The following SYT12 variants were observed in gnomAD, a reference collection of about 807,000 sequenced individuals.
SYT12 encodes synaptotagmin 12.
Under a neutral mutation model 39.5 loss-of-function variants are expected in SYT12, and 27 were observed. The observed-to-expected ratio is 0.68, with a 90% CI of 0.50 to 0.94. The LOEUF is 0.94. Ranked by LOEUF, SYT12 falls within the 40% of genes least tolerant of loss-of-function variation. The pLI is 0.00. For missense variants in SYT12, 536 were observed against 572.6 expected (o/e 0.94, Z 0.65); for synonymous variants, 233 against 239.7 (o/e 0.97, Z 0.26).
At chr11:67,015,363 C>T (rs771738069) in intron 3 of SYT12, among the ~76,000 whole-genome samples, 10 of 152,210 alleles carry the variant, frequency 6.6e-5, no homozygotes, top group Non-Finnish European at 1.3e-4. Context: ...CAATGCAGGC[C>T]CAGCTCCTCA....
chr11:67,045,106 A>C (rs1565343632), intron 6 of SYT12, among the ~76,000 whole-genome samples: 1 of 152,098 alleles, frequency 6.6e-6, no homozygotes, highest in East Asian at 1.9e-4. Context: ...CCCAGACTCC[A>C]AAAAGGGACC....
chr11:67,024,390 C>T (rs1950153429), intron 1 of SYT12, among the ~76,000 whole-genome samples: 1 of 152,238 alleles, frequency 6.6e-6, no homozygotes, highest in African/African-American at 2.4e-5. Flanking sequence ...CCCAAGCCCC[C>T]AGCCTCCCTA....
At chr11:67,018,217 C>T (rs1005539918), upstream of SYT12, among the ~76,000 whole-genome samples, 12 of 151,494 alleles carry the variant, frequency 7.9e-5, no homozygotes, top group Admixed American at 7.9e-4. Flanking sequence ...GAGCTGAGAT[C>T]GTGCCACTGC....
rs202228241 is a variant in SYT12 at position 67,044,646 on chromosome 11, C to T, written c.891C>T (p.Ala297=). 14 of 1,613,438 alleles carry T rather than the reference C, an allele frequency of 8.7e-6. No individual in the cohort carries two copies. The highest frequency in any genetic ancestry group is 1.6e-4 in the Middle Eastern group (1 of 6,084). ...ILLSLSYLPT[A]ERLTVVVVKA... is the part of the protein sequence containing the mutation. ...TCTCCCTCAGCTACCTCCCCACAGCCGAGCGCCTCACCGTGGTCGTGGTTA... is the reference window on the plus strand; with the variant it reads ...TCTCCCTCAGCTACCTCCCCACAGCTGAGCGCCTCACCGTGGTCGTGGTTA... The change falls in exon 6 of 8, where the codon GCC becomes GCT. Residue 297 remains alanine, a synonymous_variant. Transcript: ENST00000527043.
intron 3 of SYT12, among the ~76,000 whole-genome samples, chr11:67,012,326 G>T (rs1950019604): frequency 6.6e-6 from 1 of 152,032 alleles, no homozygotes; most frequent in Non-Finnish European, 1.5e-5. Flanking sequence ...AGCTGAGATT[G>T]CACCACTGCA....
chr11:67,029,176 G>C (rs1337839936), intron 1 of SYT12: 1 of 152,236 alleles, frequency 6.6e-6, no homozygotes, highest in Non-Finnish European at 1.5e-5. Flanking sequence ...GGTTGTACGA[G>C]CTCCCAGACC....
upstream of SYT12, among the ~76,000 whole-genome samples, chr11:67,020,838 C>G (rs1254897208): frequency 6.6e-6 from 1 of 152,186 alleles, no homozygotes; most frequent in Non-Finnish European, 1.5e-5. Context: ...AAGCGATTCT[C>G]CTGCCTCAGC....
At chr11:67,045,376 C>T (rs978408243) in intron 6 of SYT12, among the ~76,000 whole-genome samples, 6 of 152,136 alleles carry the variant, frequency 3.9e-5, no homozygotes, top group Admixed American at 3.9e-4. Flanking sequence ...ATTTCAGAGC[C>T]GCACACGGTT....
chr11:67,019,759 G>T (rs371922810), upstream of SYT12, among the ~76,000 whole-genome samples: 1 of 151,840 alleles, frequency 6.6e-6, no homozygotes, highest in African/African-American at 2.4e-5. Context: ...TTAGCCATGC[G>T]TGGTGGCGTG....
Position 67,045,883 on chromosome 11 carries a change from G to C in SYT12, c.1092+6G>C, listed in dbSNP as rs1854531633. ...TGCCAGCCATTGTGCTCCAGGTGAG[G>C]GGGGCTGGGGGATGGGAAGGGGCCA... On this transcript the variant is annotated splice_donor_region_variant and intron_variant, in intron 7 of 7. Transcript: ENST00000527043. 1 of 1,612,938 alleles carries C rather than the reference G, an allele frequency of 6.2e-7. No individual in the cohort carries two copies. The highest frequency in any genetic ancestry group is 8.5e-7 in the Non-Finnish European group (1 of 1,179,518).
rs1230169787 is a variant in SYT12, at chr11:67,012,587, CCTT to C, written c.-69+1597_-69+1599del. On this transcript the variant is annotated intron_variant, in intron 3 of 10. Coordinates refer to the SYT12 transcript ENST00000393946. The stretch of plus-strand genomic sequence containing the variant: ...CATTCATTGGCCCTCAGACCAGCAT[CCTT>C]CTTAAAATGTAAGTGCTTATAAATA... Among the ~76,000 whole-genome samples, 13 of 152,218 alleles carry C rather than the reference CCTT, an allele frequency of 8.5e-5. No homozygotes were observed. In the East Asian group the frequency reaches 1.7e-3, roughly 20 times the overall value.
chr11:67,027,840 G>A (rs1290963819), intron 1 of SYT12: 2 of 152,284 alleles, frequency 1.3e-5, no homozygotes, highest in African/African-American at 4.8e-5. Flanking sequence ...TGCCAGGTAA[G>A]CAGGAAAAAG....
chr11:67,035,839 T>G, intron 3 of SYT12, among the ~76,000 whole-genome samples: 1 of 101,544 alleles, frequency 9.8e-6, no homozygotes, highest in African/African-American at 5.2e-5. Context: ...CCTTCCTTCC[T>G]TTCTTTCTTT....
intron 3 of SYT12, among the ~76,000 whole-genome samples, chr11:67,014,049 G>C (rs183223678): frequency 6.6e-6 from 1 of 152,178 alleles, no homozygotes; most frequent in Non-Finnish European, 1.5e-5. Context: ...CTTCATGGCT[G>C]AGATGTCCCT....
intron 3 of SYT12, among the ~76,000 whole-genome samples, chr11:67,036,687 G>A (rs996712987): frequency 6.6e-6 from 1 of 152,156 alleles, no homozygotes; most frequent in Non-Finnish European, 1.5e-5. Context: ...CGTAATCCCA[G>A]CACTTTGGGA....
chr11:67,030,140 A>G lies in SYT12; in HGVS notation c.-5A>G, dbSNP rs369097808. Reference sequence around the variant, plus strand: ...CTTCCAGTCACAGTCACTGCAGCAGACATCATGGCTGTGGATGTGGCAGAA... The same window carrying G: ...CTTCCAGTCACAGTCACTGCAGCAGGCATCATGGCTGTGGATGTGGCAGAA... On this transcript the variant is annotated 5_prime_UTR_variant, in exon 2 of 8. Transcript: ENST00000527043. 2.5e-6 allele frequency: 4 copies of G among 1,613,974 alleles called. No individual in the cohort carries two copies. The highest frequency in any genetic ancestry group is 3.3e-4 in the Middle Eastern group (2 of 6,060).
intron 3 of SYT12, among the ~76,000 whole-genome samples, chr11:67,013,503 C>T (rs1301725448): frequency 1.3e-5 from 2 of 152,216 alleles, no homozygotes; most frequent in African/African-American, 4.8e-5. Context: ...TCCTCTTTGT[C>T]CCAGCCCCAA....
chr11:67,035,200 G>A (rs909257299), intron 3 of SYT12, among the ~76,000 whole-genome samples: 1 of 151,524 alleles, frequency 6.6e-6, no homozygotes, highest in Non-Finnish European at 1.5e-5. Context: ...GTAGATACGG[G>A]GTTTCACCAT....
At chr11:67,024,152 G>A (rs1381310948) in intron 1 of SYT12, among the ~76,000 whole-genome samples, 1 of 152,194 alleles carries the variant, frequency 6.6e-6, no homozygotes, top group Non-Finnish European at 1.5e-5. Flanking sequence ...CATCCTGGGA[G>A]CTCTCTTCCA....
Sources: gnomAD v4.1 joint callset for allele counts (sites outside exome capture counted in the v4.1 genomes callset) on GRCh38, gnomAD v4.1.1 for gene constraint, MANE v1.5 for transcripts, NCBI Gene and HGNC (gene_info 2026-07-23, HGNC 2026-07-21) for gene names.